The following NFIA variants were observed in gnomAD, a reference collection of about 807,000 sequenced individuals.
The protein encoded by NFIA is nuclear factor I A.
Under a neutral mutation model 62.8 loss-of-function variants are expected in NFIA, and 8 were observed. The observed-to-expected ratio is 0.13, with a 90% CI of 0.07 to 0.23. NFIA has a LOEUF of 0.23. Ranked by LOEUF, NFIA falls within the 10% of genes least tolerant of loss-of-function variation. The pLI is 1.00. For missense variants in NFIA, 410 were observed against 642.1 expected (o/e 0.64, Z 3.91); for synonymous variants, 235 against 238.1 (o/e 0.99, Z 0.12).
Position 61,277,545 on chromosome 1 carries a change from C to G in NFIA, c.585C>G (p.Ser195Arg). Residue 195 changes from serine to arginine, a missense_variant, in exon 3 of 11, where the codon AGC becomes AGG. Coordinates refer to ENST00000403491, the MANE Select transcript of NFIA (RefSeq NM_001134673.4). ...AADSSQSESP[S>R]QPSDADIKDQ... ...ATTCAAGTCAATCTGAAAGTCCCAG[C>G]CAGCCAAGTGACGCTGACATTAAGG... The G allele has an allele frequency of 6.2e-7, 1 of 1,613,772 alleles. No homozygotes were observed. Among genetic ancestry groups the G allele is most frequent in the South Asian group, 1.1e-5 (1 of 91,062 alleles).
At chr1:61,154,135 T>C (rs1648623468) in intron 2 of NFIA, among the ~76,000 whole-genome samples, 1 of 152,158 alleles carries the variant, frequency 6.6e-6, no homozygotes, top group African/African-American at 2.4e-5. Flanking sequence ...AACACACATT[T>C]GTTTTATTTT....
At chr1:61,440,403 G>A (rs1016427315) in intron 10 of NFIA, among the ~76,000 whole-genome samples, 1 of 152,166 alleles carries the variant, frequency 6.6e-6, no homozygotes, top group Non-Finnish European at 1.5e-5. Context: ...TTGCTACCAA[G>A]TAATTCTCAT....
intron 3 of NFIA, among the ~76,000 whole-genome samples, chr1:61,312,421 G>T (rs1156888758): frequency 6.6e-6 from 1 of 152,052 alleles, no homozygotes; most frequent in African/African-American, 2.4e-5. Flanking sequence ...AAAACCAGGT[G>T]AGCTCCTAAA....
intron 4 of NFIA, among the ~76,000 whole-genome samples, chr1:61,339,110 C>T (rs186362280): frequency 9.9e-4 from 151 of 152,266 alleles, no homozygotes; most frequent in Non-Finnish European, 1.9e-3. Context: ...GATCAATATC[C>T]TATTAAAGCA....
intron 3 of NFIA, among the ~76,000 whole-genome samples, chr1:61,316,828 C>G (rs536747458): frequency 1.7e-4 from 26 of 152,144 alleles, no homozygotes; most frequent in African/African-American, 6.3e-4. Context: ...TGATTTAAAG[C>G]TATAAGGAAT....
chr1:61,342,545 C>T (rs76512935), intron 4 of NFIA, among the ~76,000 whole-genome samples: 7,184 of 152,288 alleles, frequency 0.047, 217 homozygotes, highest in Admixed American at 0.093. Flanking sequence ...GATCAGTCAG[C>T]ATTGCTAACC....
intron 2 of NFIA, among the ~76,000 whole-genome samples, chr1:61,092,333 G>A (rs1909118): frequency 0.19 from 29,598 of 152,158 alleles, 3,324 homozygotes; most frequent in East Asian, 0.51. Context: ...GCAAGTTGCT[G>A]TTGTCCTAAT....
At position 61,348,727 on chromosome 1, in the gene NFIA, CA is replaced by C. The variant is rs1373669336; in HGVS notation, c.701-3722del. Among the ~76,000 whole-genome samples the C allele has an allele frequency of 5.3e-5, 8 of 152,300 alleles. No homozygotes were observed. In the East Asian group the frequency reaches 1.5e-3, roughly 29 times the overall value. On this transcript the variant is annotated intron_variant, in intron 4 of 10. Transcript: ENST00000403491. ...TTAAATTTAAGTGCAGCTGGATGTT[CA>C]CCACGAGCTAGGAGGCCTCTTCTTC... is the stretch of plus-strand genomic sequence containing the variant.
intron 2 of NFIA, among the ~76,000 whole-genome samples, chr1:61,177,084 C>G (rs377011614): frequency 1.3e-5 from 2 of 150,040 alleles, no homozygotes; most frequent in Non-Finnish European, 3.0e-5. Flanking sequence ...CCAGCCTGGG[C>G]GACAGAGCGA....
intron 3 of NFIA, among the ~76,000 whole-genome samples, chr1:61,315,298 C>T (rs1660313559): frequency 1.3e-5 from 2 of 152,112 alleles, no homozygotes. Context: ...TTCAAGTGCC[C>T]CTGACAGTTA....
At chr1:61,392,840 T>C (rs1569739305) in intron 7 of NFIA, among the ~76,000 whole-genome samples, 1 of 152,240 alleles carries the variant, frequency 6.6e-6, no homozygotes. Flanking sequence ...CCAGGGGACC[T>C]GGATTTAAAC....
At chr1:61,222,114 C>T (rs1011904406) in intron 2 of NFIA, among the ~76,000 whole-genome samples, 7 of 152,068 alleles carry the variant, frequency 4.6e-5, no homozygotes, top group South Asian at 4.1e-4. Flanking sequence ...AAGTGATCTA[C>T]GTGTTTTAAG....
chr1:61,333,680 G>T (rs530930760), intron 4 of NFIA, among the ~76,000 whole-genome samples: 1 of 152,250 alleles, frequency 6.6e-6, no homozygotes, highest in South Asian at 2.1e-4. Context: ...TAAATTGAGG[G>T]TCTATATAAG....
At chr1:61,181,302 G>A (rs566745344) in intron 2 of NFIA, among the ~76,000 whole-genome samples, 10 of 152,294 alleles carry the variant, frequency 6.6e-5, no homozygotes, top group South Asian at 4.2e-4. Flanking sequence ...CCACCATTCA[G>A]GTCATTAATG....
rs56259392 is a variant in NFIA at position 61,334,555 on chromosome 1, GTA to G, written c.700+2025_700+2026del. ...TATATATGTGTGTGTGTGTGTGTGT[GTA>G]TATATATATATATATATATATATAT... is the stretch of plus-strand genomic sequence containing the variant. On this transcript the variant is annotated intron_variant, in intron 4 of 10. Coordinates refer to ENST00000403491, the MANE Select transcript of NFIA (RefSeq NM_001134673.4). 8.0e-3 allele frequency among the ~76,000 whole-genome samples: 777 copies of G among 97,314 alleles called. 46 individuals are homozygous for G. Among genetic ancestry groups the G allele is most frequent in the South Asian group, 0.014 (36 of 2,596 alleles). 63.8% of individuals were successfully genotyped at this position (97,314 alleles called of 152,430 possible). A position where few individuals can be genotyped will look rare whatever the true frequency, so the allele number is the denominator to read the frequency against.
chr1:61,455,525 T>TG lies in NFIA; in HGVS notation c.*205_*206insG, dbSNP rs1331043539. On this transcript the variant is annotated 3_prime_UTR_variant, in exon 11 of 11. Coordinates refer to ENST00000403491, the MANE Select transcript of NFIA (RefSeq NM_001134673.4). ...ATAACCTTTTGGGATTTTTTTTTTT[T>TG]TAAAATACTTTAGGGACTGTTGTAA... The TG allele has an allele frequency of 1.6e-4, 112 of 716,742 alleles. No homozygotes were observed. Among genetic ancestry groups the TG allele is most frequent in the Non-Finnish European group, 2.1e-4 (94 of 439,992 alleles). 44.4% of individuals were successfully genotyped at this position (716,742 alleles called of 1,614,324 possible).
At chr1:61,166,985 C>T (rs146500224) in intron 2 of NFIA, among the ~76,000 whole-genome samples, 1,826 of 152,138 alleles carry the variant, frequency 0.012, 21 homozygotes, top group Middle Eastern at 0.031. Flanking sequence ...ACTAAAAATA[C>T]AAAAAATTAG....
chr1:61,405,570 C>T lies in NFIA; in HGVS notation c.1255-992C>T, dbSNP rs540187519. On this transcript the variant is annotated intron_variant, in intron 8 of 10. Coordinates refer to ENST00000403491, the MANE Select transcript of NFIA (RefSeq NM_001134673.4). ...TTGGGGACTAAATGTGAACTGTTGT[C>T]GTTGGTTGAATAGAGGCCTCTTGGG... Among the ~76,000 whole-genome samples the T allele has an allele frequency of 9.9e-5, 15 of 152,186 alleles. No homozygotes were observed. The South Asian group carries it at 2.9e-3, about 30-fold the overall frequency.
chr1:61,124,436 T>G (rs1319022441), intron 2 of NFIA, among the ~76,000 whole-genome samples: 1 of 152,174 alleles, frequency 6.6e-6, no homozygotes, highest in Non-Finnish European at 1.5e-5. Context: ...GTCAATTCTG[T>G]CTGGTGTAGA....
Sources: gnomAD v4.1 joint callset for allele counts (sites outside exome capture counted in the v4.1 genomes callset) on GRCh38, gnomAD v4.1.1 for gene constraint, MANE v1.5 for transcripts, NCBI Gene and HGNC (gene_info 2026-07-23, HGNC 2026-07-21) for gene names.